CGGBP1: variants seen among roughly 807,000 people sequenced by gnomAD.
CGGBP1 encodes the protein CGG triplet repeat-binding protein 1.
A neutral mutation model predicts 11.4 loss-of-function variants in CGGBP1; 4 were observed. The ratio of observed to expected loss-of-function variants is 0.35; its 90% CI spans 0.17 to 0.80. The LOEUF (loss-of-function observed/expected upper bound fraction) is 0.80. CGGBP1 is among the 30% of genes least tolerant of loss of function. The pLI is 0.52. For missense variants in CGGBP1, 135 were observed against 202.1 expected (o/e 0.67, Z 2.01); for synonymous variants, 76 against 74.1 (o/e 1.03, Z -0.13).
chr3:88,068,882 G>T (rs1707346771), intron 2 of CGGBP1, among the ~76,000 whole-genome samples: 2 of 151,992 alleles, frequency 1.3e-5, no homozygotes, highest in Admixed American at 6.6e-5. Context: ...GCCAGCCCGT[G>T]CACTTAGCCT....
chr3:88,102,361 C>T (rs577395280), intron 2 of CGGBP1, among the ~76,000 whole-genome samples: 76 of 152,068 alleles, frequency 5.0e-4, no homozygotes, highest in African/African-American at 1.8e-3. Flanking sequence ...TTGTCTTTCT[C>T]TTTTATTTTA....
chr3:88,076,251 A>G (rs1349348951), intron 2 of CGGBP1, among the ~76,000 whole-genome samples: 2 of 152,204 alleles, frequency 1.3e-5, no homozygotes, highest in African/African-American at 4.8e-5. Flanking sequence ...CCATATTGCC[A>G]TAGTTGGATC....
chr3:88,059,210 T>C (rs1706684846), upstream of CGGBP1: 6 of 1,470,192 alleles, frequency 4.1e-6, no homozygotes, highest in South Asian at 5.4e-5. Flanking sequence ...CCTGTCCGGC[T>C]AGGGAGGAGG....
chr3:88,072,917 T>G (rs1323690028), intron 2 of CGGBP1, among the ~76,000 whole-genome samples: 1 of 152,242 alleles, frequency 6.6e-6, no homozygotes, highest in Non-Finnish European at 1.5e-5. Flanking sequence ...CTGATAGAGA[T>G]AATTTGGAAA....
intron 2 of CGGBP1, among the ~76,000 whole-genome samples, chr3:88,133,623 A>G (rs1419736864): frequency 2.0e-5 from 3 of 152,136 alleles, no homozygotes; most frequent in Non-Finnish European, 4.4e-5. Flanking sequence ...AGAATAAATG[A>G]AGCAGTTTAG....
chr3:88,136,924 A>AT (rs1361052321), intron 2 of CGGBP1, among the ~76,000 whole-genome samples: 4 of 152,062 alleles, frequency 2.6e-5, no homozygotes, highest in African/African-American at 9.7e-5. Context: ...GCTGGGCGCG[A>AT]TGGCTTACAC....
chr3:88,055,945 G>C lies in CGGBP1; in HGVS notation c.32C>G (p.Ala11Gly). The C allele has an allele frequency of 1.9e-6, 3 of 1,613,640 alleles. No homozygotes were observed. The highest frequency in any genetic ancestry group is 2.5e-6 in the Non-Finnish European group (3 of 1,179,686). ...CAAAGCAGTCTTAGAACGGTTTCGAGCAGGTGGTGCTGTTACTACAAATCG... is the reference window on the plus strand; with the variant it reads ...CAAAGCAGTCTTAGAACGGTTTCGACCAGGTGGTGCTGTTACTACAAATCG... MERFVVTAPPARNRSKTALYV... is the reference protein window; with the variant it reads MERFVVTAPPGRNRSKTALYV... The change falls in exon 4 of 4, where the codon GCT (alanine) becomes GGT (glycine). Residue 11 changes from alanine to glycine, a missense_variant. Physicochemically the swap from Ala to Gly is moderately conservative, Grantham distance 60. Transcript: ENST00000482016. The surrounding 1 kb of genome is among the most constrained non-coding windows in gnomAD (Gnocchi z 4.2).
Position 88,054,035 on chromosome 3 carries a change from T to C in CGGBP1, c.*1438A>G, listed in dbSNP as rs536437525. The stretch of plus-strand genomic sequence containing the variant: ...AAAAATCTTAAGACATGGAAAGCTG[T>C]TACTGAAAAATACACAATCTAACTT... On this transcript the variant is annotated 3_prime_UTR_variant, in exon 4 of 4. Coordinates refer to ENST00000482016, the MANE Select transcript of CGGBP1 (RefSeq NM_001008390.2). 6.5e-6 allele frequency: 1 copy of C among 152,734 alleles called. No individual in the cohort carries two copies. The highest frequency in any genetic ancestry group is 2.1e-4 in the South Asian group (1 of 4,828). 9.5% of individuals were successfully genotyped at this position (152,734 alleles called of 1,614,324 possible).
At chr3:88,081,432 A>G (rs2107646518) in intron 2 of CGGBP1, among the ~76,000 whole-genome samples, 1 of 152,208 alleles carries the variant, frequency 6.6e-6, no homozygotes, top group East Asian at 1.9e-4. Context: ...GCATCGATGC[A>G]TGGATGTTGT....
At chr3:88,116,561 T>TAC (rs61470020) in intron 2 of CGGBP1, among the ~76,000 whole-genome samples, 7 of 150,918 alleles carry the variant, frequency 4.6e-5, no homozygotes, top group African/African-American at 1.5e-4. Context: ...TACATATATA[T>TAC]ACACACACAC....
chr3:88,068,320 G>C (rs1707317698), intron 2 of CGGBP1, among the ~76,000 whole-genome samples: 2 of 152,202 alleles, frequency 1.3e-5, no homozygotes, highest in East Asian at 3.9e-4. Context: ...GAAAGGGACA[G>C]GTTCATTTTC....
chr3:88,077,691 C>T (rs1707887921), intron 2 of CGGBP1, among the ~76,000 whole-genome samples: 1 of 54,342 alleles, frequency 1.8e-5, no homozygotes, highest in South Asian at 1.3e-3. Flanking sequence ...TGCTGTAATA[C>T]TTACTATTTT....
At chr3:88,096,735 A>G (rs968820953) in intron 2 of CGGBP1, among the ~76,000 whole-genome samples, 2 of 152,086 alleles carry the variant, frequency 1.3e-5, no homozygotes, top group African/African-American at 2.4e-5. Flanking sequence ...TAGGTAATAC[A>G]TGTTCATGGT....
At chr3:88,073,689 A>G (rs772697206) in intron 2 of CGGBP1, among the ~76,000 whole-genome samples, 1 of 152,210 alleles carries the variant, frequency 6.6e-6, no homozygotes, top group Admixed American at 6.5e-5. Flanking sequence ...GGGAGGAATA[A>G]TTAAGGTATC....
At position 88,055,722 on chromosome 3, in the gene CGGBP1, G is replaced by A. The variant is rs1245954267; in HGVS notation, c.255C>T (p.Pro85=). 5.6e-6 allele frequency: 9 copies of A among 1,614,160 alleles called. No individual in the cohort carries two copies. Among genetic ancestry groups the A allele is most frequent in the Non-Finnish European group, 7.6e-6 (9 of 1,180,024 alleles). ...EEQNVRKKQR[P]LTASLQCNST... ...TGTTGCACTGAAGAGATGCAGTTAG[G>A]GGCCTCTGCTTCTTTCTCACATTCT... Residue 85 remains proline (P), a synonymous_variant, in exon 4 of 4, where the codon CCC becomes CCT. Transcript: ENST00000482016. This position sits in a 1 kb window ranked among gnomAD's most constrained non-coding sequence, Gnocchi z 4.2.
intron 2 of CGGBP1, among the ~76,000 whole-genome samples, chr3:88,078,852 A>G (rs1334966664): frequency 1.3e-5 from 2 of 152,082 alleles, no homozygotes; most frequent in Non-Finnish European, 2.9e-5. Flanking sequence ...ATACTGATTA[A>G]TGGTTCTAAG....
At chr3:88,135,258 C>T (rs1706705947) in intron 2 of CGGBP1, 7 of 1,279,640 alleles carry the variant, frequency 5.5e-6, no homozygotes, top group Non-Finnish European at 6.1e-6. Context: ...TTCACTGAAA[C>T]TTGAATCTCT....
chr3:88,105,658 C>G (rs142892578), intron 2 of CGGBP1, among the ~76,000 whole-genome samples: 2 of 152,160 alleles, frequency 1.3e-5, no homozygotes, highest in Non-Finnish European at 2.9e-5. Flanking sequence ...CCTTGTATAT[C>G]TCTGACCTCA....
At chr3:88,061,349 G>A (rs913404841), upstream of CGGBP1, among the ~76,000 whole-genome samples, 1 of 152,134 alleles carries the variant, frequency 6.6e-6, no homozygotes, top group African/African-American at 2.4e-5. Flanking sequence ...AACAACAAAT[G>A]AAGTTGACTA....
Sources: gnomAD v4.1 joint callset for allele counts (sites outside exome capture counted in the v4.1 genomes callset) on GRCh38, gnomAD v4.1.1 for gene constraint, Gnocchi (gnomAD v3.1) non-coding constraint, MANE v1.5 for transcripts, NCBI Gene and HGNC (gene_info 2026-07-23, HGNC 2026-07-21) for gene names.